AGMO: variants seen among roughly 807,000 people sequenced by gnomAD.
AGMO encodes the protein glyceryl-ether monooxygenase.
A neutral mutation model predicts 60.2 loss-of-function variants in AGMO; 75 were observed. The observed-to-expected ratio is 1.25, with a 90% CI of 1.03 to 1.51. AGMO has a LOEUF of 1.51. AGMO is among the 40% of genes most tolerant of loss of function. AGMO has a pLI of 0.00. For synonymous variants in AGMO, 261 were observed against 177.1 expected (o/e 1.47, Z -3.76); for missense variants, 763 against 525.5 (o/e 1.45, Z -4.42).
At chr7:15,340,486 G>C (rs746815270) in intron 12 of AGMO, among the ~76,000 whole-genome samples, 1 of 152,142 alleles carries the variant, frequency 6.6e-6, no homozygotes, top group Non-Finnish European at 1.5e-5. Context: ...GCCTCGGGGG[G>C]AACAATGGTT....
intron 3 of AGMO, among the ~76,000 whole-genome samples, chr7:15,502,271 C>T (rs1342904868): frequency 6.6e-6 from 1 of 151,986 alleles, no homozygotes; most frequent in Admixed American, 6.6e-5. Flanking sequence ...AGCCTTGCCC[C>T]TCCTCCTTCA....
the AGMO span, among the ~76,000 whole-genome samples, chr7:15,125,069 TG>T: frequency 0.036 from 5,408 of 152,146 alleles, 112 homozygotes; most frequent in Non-Finnish European, 0.054. Flanking sequence ...AGAAAAGAAA[TG>T]ACAGTTGAGC....
the AGMO span, among the ~76,000 whole-genome samples, chr7:15,168,982 C>T: frequency 6.6e-6 from 1 of 152,114 alleles, no homozygotes; most frequent in Non-Finnish European, 1.5e-5. Flanking sequence ...ATGTTTTGAC[C>T]TTGTTCAGAG....
At chr7:15,520,003 CA>C (rs573445663) in intron 3 of AGMO, among the ~76,000 whole-genome samples, 55 of 134,244 alleles carry the variant, frequency 4.1e-4, no homozygotes, top group Middle Eastern at 3.9e-3. Flanking sequence ...AAAAAAGAAC[CA>C]AAAAAAAAAG....
the AGMO span, among the ~76,000 whole-genome samples, chr7:15,139,820 C>CAAAAAAAAAAAAA: frequency 1.8e-4 from 12 of 66,288 alleles, no homozygotes; most frequent in African/African-American, 4.3e-4. Context: ...TCTCAAAAGA[C>CAAAAAAAAAAAAA]AAAAAAAAAA....
At chr7:15,291,326 G>C (rs1043553354) in intron 12 of AGMO, among the ~76,000 whole-genome samples, 1 of 151,914 alleles carries the variant, frequency 6.6e-6, no homozygotes, top group Admixed American at 6.6e-5. Context: ...ATATCCAATG[G>C]GAAACGTTAC....
chr7:15,384,484 T>A (rs910452639), intron 10 of AGMO, among the ~76,000 whole-genome samples: 45 of 152,288 alleles, frequency 3.0e-4, no homozygotes, highest in African/African-American at 1.1e-3. Context: ...CATTTTTGTA[T>A]ATTTTATCCA....
chr7:15,439,498 T>G (rs79989846), intron 3 of AGMO, among the ~76,000 whole-genome samples: 19,781 of 152,278 alleles, frequency 0.13, 1,659 homozygotes, highest in South Asian at 0.25. Flanking sequence ...ACTCTGCCCC[T>G]TGCCTTTGGG....
intron 3 of AGMO, among the ~76,000 whole-genome samples, chr7:15,522,009 G>C (rs1016624549): frequency 1.3e-5 from 2 of 152,026 alleles, no homozygotes; most frequent in Non-Finnish European, 2.9e-5. Context: ...GTCTCAGGAT[G>C]CAAAATCAAT....
chr7:15,428,491 A>G (rs1050326468), intron 4 of AGMO, among the ~76,000 whole-genome samples: 5 of 152,162 alleles, frequency 3.3e-5, no homozygotes, highest in Non-Finnish European at 7.4e-5. Flanking sequence ...GTCTCATTTT[A>G]CATAGATTTT....
intron 3 of AGMO, among the ~76,000 whole-genome samples, chr7:15,455,797 T>C (rs1781985272): frequency 6.6e-6 from 1 of 152,108 alleles, no homozygotes; most frequent in African/African-American, 2.4e-5. Flanking sequence ...CTTTGAACAG[T>C]TGACCTGATT....
At chr7:15,453,632 G>A (rs149895074) in intron 3 of AGMO, among the ~76,000 whole-genome samples, 1 of 152,158 alleles carries the variant, frequency 6.6e-6, no homozygotes, top group African/African-American at 2.4e-5. Flanking sequence ...TCAGGCAAAG[G>A]AAAATACCAA....
At chr7:15,260,592 A>T (rs568993877) in intron 12 of AGMO, among the ~76,000 whole-genome samples, 39 of 152,272 alleles carry the variant, frequency 2.6e-4, no homozygotes, top group African/African-American at 9.1e-4. Context: ...TTCCACTGAC[A>T]GCACTAGACA....
chr7:15,371,144 C>T (rs1783195275), intron 10 of AGMO, among the ~76,000 whole-genome samples: 1 of 152,032 alleles, frequency 6.6e-6, no homozygotes. Context: ...GAACCTAAGA[C>T]CTCAAACTAT....
At chr7:15,184,321 GGGAAGGAGGAAGGAA>G in the AGMO span, among the ~76,000 whole-genome samples, 27 of 94,390 alleles carry the variant, frequency 2.9e-4, no homozygotes, top group South Asian at 9.3e-4. Flanking sequence ...GAGGGAAGGA[GGGAAGGAGGAAGGAA>G]GGAAGGAAAG....
chr7:15,399,837 T>C (rs1014170766), intron 5 of AGMO, among the ~76,000 whole-genome samples: 4 of 152,218 alleles, frequency 2.6e-5, no homozygotes, highest in Non-Finnish European at 5.9e-5. Context: ...TCCAAAACTT[T>C]CAGAGTTCAA....
intron 3 of AGMO, among the ~76,000 whole-genome samples, chr7:15,467,280 A>G (rs1782320288): frequency 6.6e-6 from 1 of 152,184 alleles, no homozygotes. Flanking sequence ...TAGCTAAGGC[A>G]TACATTTAGG....
At chr7:15,329,320 G>GA (rs1400891146) in intron 12 of AGMO, among the ~76,000 whole-genome samples, 7 of 152,182 alleles carry the variant, frequency 4.6e-5, no homozygotes, top group Non-Finnish European at 7.3e-5. Flanking sequence ...ATTGGTGGCA[G>GA]AAACAAGTTA....
chr7:15,223,725 A>T (rs1781989101), intron 12 of AGMO, among the ~76,000 whole-genome samples: 1 of 151,908 alleles, frequency 6.6e-6, no homozygotes, highest in African/African-American at 2.4e-5. Flanking sequence ...GAAGTACATA[A>T]TTTTTCCTAT....
Sources: gnomAD v4.1 joint callset for allele counts (sites outside exome capture counted in the v4.1 genomes callset) on GRCh38, gnomAD v4.1.1 for gene constraint, MANE v1.5 for transcripts, NCBI Gene and HGNC (gene_info 2026-07-23, HGNC 2026-07-21) for gene names.